The following INSYN2B variants were observed in gnomAD, a reference collection of about 807,000 sequenced individuals.
INSYN2B encodes inhibitory synaptic factor family member 2B, also known as protein INSYN2B.
INSYN2B carries 16 observed loss-of-function variants against 41.2 expected under a neutral mutation model. The observed-to-expected ratio is 0.39, with a 90% CI of 0.26 to 0.59. The LOEUF is 0.59. Among genes scored for constraint, INSYN2B ranks in the 20% least tolerant of loss-of-function variants. The probability of loss-of-function intolerance (pLI) is 0.57; values close to 1 mark genes in which losing one functional copy is unlikely to be tolerated. For synonymous variants in INSYN2B, 245 were observed against 244.4 expected (o/e 1.00, Z -0.02); for missense variants, 608 against 646.4 (o/e 0.94, Z 0.64).
intron 1 of INSYN2B, among the ~76,000 whole-genome samples, chr5:169,935,955 C>T (rs1468998228): frequency 6.6e-6 from 1 of 152,172 alleles, no homozygotes; most frequent in Non-Finnish European, 1.5e-5. Context: ...CTAACCACAA[C>T]TAATAAAAGG....
At chr5:169,938,188 A>G (rs1435632291) in intron 1 of INSYN2B, among the ~76,000 whole-genome samples, 1 of 151,964 alleles carries the variant, frequency 6.6e-6, no homozygotes, top group Non-Finnish European at 1.5e-5. Context: ...GCTACCGCAC[A>G]GCTGCCACCT....
At chr5:169,913,475 G>T (rs1774714886) in intron 1 of INSYN2B, among the ~76,000 whole-genome samples, 1 of 152,118 alleles carries the variant, frequency 6.6e-6, no homozygotes, top group South Asian at 2.1e-4. Context: ...AGTACTGTTT[G>T]GTCCTATTTT....
intron 1 of INSYN2B, among the ~76,000 whole-genome samples, chr5:169,903,023 A>G (rs933473457): frequency 2.0e-5 from 3 of 152,030 alleles, no homozygotes; most frequent in Middle Eastern, 3.2e-3. Flanking sequence ...GCTTGAACAA[A>G]GGAGGTGGAG....
chr5:169,957,042 G>T (rs1776897906), intron 1 of INSYN2B, among the ~76,000 whole-genome samples: 1 of 151,914 alleles, frequency 6.6e-6, no homozygotes, highest in African/African-American at 2.4e-5. Flanking sequence ...GGGCTTACTA[G>T]ATGTTGAGTA....
Position 169,936,673 on chromosome 5 carries a change from C to T in INSYN2B, c.-919+43604G>A, listed in dbSNP as rs28482231. On this transcript the variant is annotated intron_variant, in intron 1 of 3. Transcript: ENST00000377365. ...TGATCCATTACAGAATCTAGCATTCCCCAGAGAGCAAAAACCTCCTCCTGG... is the reference window on the plus strand; with the variant it reads ...TGATCCATTACAGAATCTAGCATTCTCCAGAGAGCAAAAACCTCCTCCTGG... Among the ~76,000 whole-genome samples the T allele has an allele frequency of 5.1e-3, 763 of 150,540 alleles. 4 individuals carry two copies. The highest frequency in any genetic ancestry group is 0.017 in the African/African-American group (676 of 40,782).
At chr5:169,924,444 C>T (rs544968104) in intron 1 of INSYN2B, among the ~76,000 whole-genome samples, 1 of 152,224 alleles carries the variant, frequency 6.6e-6, no homozygotes, top group East Asian at 1.9e-4. Context: ...ATCACATTTC[C>T]CTGTTGTGTT....
intron 1 of INSYN2B, among the ~76,000 whole-genome samples, chr5:169,904,308 C>A (rs918324685): frequency 8.0e-5 from 11 of 137,480 alleles, no homozygotes; most frequent in African/African-American, 3.3e-4. Flanking sequence ...GCTAGTTGTC[C>A]CTTCCTTTTT....
intron 1 of INSYN2B, among the ~76,000 whole-genome samples, chr5:169,909,179 G>A (rs1221638725): frequency 2.0e-5 from 3 of 152,208 alleles, no homozygotes; most frequent in African/African-American, 7.2e-5. Context: ...CAGCTATGAT[G>A]TGCTGTCCAG....
At chr5:169,877,577 G>C (rs374184247) in intron 3 of INSYN2B, among the ~76,000 whole-genome samples, 1 of 152,298 alleles carries the variant, frequency 6.6e-6, no homozygotes, top group African/African-American at 2.4e-5. Flanking sequence ...GGTGAAATAG[G>C]TGTGTTTGGG....
chr5:169,881,478 G>A, intron 2 of INSYN2B, 36 bp from the exon 3 acceptor site: 11 of 1,517,866 alleles, frequency 7.2e-6, no homozygotes, highest in Non-Finnish European at 9.9e-6. Flanking sequence ...AAATCTATGG[G>A]CAAAAGTCAC....
intron 1 of INSYN2B, among the ~76,000 whole-genome samples, chr5:169,965,516 A>G (rs73327833): frequency 0.012 from 1,888 of 152,284 alleles, 46 homozygotes; most frequent in African/African-American, 0.043. Flanking sequence ...ATTTTTGTCT[A>G]TTGAGCTCAC....
At chr5:169,968,665 T>G (rs1354105963) in intron 1 of INSYN2B, among the ~76,000 whole-genome samples, 1 of 152,224 alleles carries the variant, frequency 6.6e-6, no homozygotes, top group Non-Finnish European at 1.5e-5. Flanking sequence ...CTTCGAAATC[T>G]TCACATTTTT....
At chr5:169,936,841 C>T (rs1211818578) in intron 1 of INSYN2B, among the ~76,000 whole-genome samples, 1 of 152,164 alleles carries the variant, frequency 6.6e-6, no homozygotes, top group African/African-American at 2.4e-5. Context: ...ATTTAAATAA[C>T]AATTTTGTCT....
At chr5:169,978,398 G>GGT (rs1777806562) in intron 1 of INSYN2B, among the ~76,000 whole-genome samples, 1 of 141,124 alleles carries the variant, frequency 7.1e-6, no homozygotes, top group Non-Finnish European at 1.6e-5. Context: ...TGTGTGGGGG[G>GGT]GGGGGGGTGT....
At chr5:169,900,131 C>T (rs1773838521) in intron 1 of INSYN2B, among the ~76,000 whole-genome samples, 1 of 152,180 alleles carries the variant, frequency 6.6e-6, no homozygotes, top group Admixed American at 6.5e-5. Flanking sequence ...GCATCAGGAA[C>T]ACCTCCAAGC....
At chr5:169,871,669 C>T (rs1261384208) in intron 3 of INSYN2B, among the ~76,000 whole-genome samples, 1 of 152,172 alleles carries the variant, frequency 6.6e-6, no homozygotes, top group East Asian at 1.9e-4. Flanking sequence ...TAATCTGCAT[C>T]TGTATGAAAT....
chr5:169,871,325 A>T (rs998398905), intron 3 of INSYN2B, among the ~76,000 whole-genome samples: 3 of 152,214 alleles, frequency 2.0e-5, no homozygotes, highest in Non-Finnish European at 2.9e-5. Context: ...AGAAGAAACA[A>T]AAAGAGAGTA....
At chr5:169,904,446 C>A (rs261049) in intron 1 of INSYN2B, among the ~76,000 whole-genome samples, 50,750 of 151,952 alleles carry the variant, frequency 0.33, 9,610 homozygotes, top group East Asian at 0.53. Flanking sequence ...TCCAAAGTCT[C>A]ACTTCTGGGC....
chr5:169,956,765 C>G (rs554106072), intron 1 of INSYN2B, among the ~76,000 whole-genome samples: 2 of 152,274 alleles, frequency 1.3e-5, no homozygotes, highest in South Asian at 4.1e-4. Context: ...AGCTGGATCT[C>G]TCTCACAAAA....
Sources: allele counts gnomAD v4.1 joint callset (sites outside exome capture counted in the v4.1 genomes callset), GRCh38; gene constraint gnomAD v4.1.1; transcripts MANE v1.5; gene names NCBI Gene and HGNC (gene_info 2026-07-23, HGNC 2026-07-21).